Variants in TAFA1 observed in about 807,000 individuals in gnomAD.
TAFA1 encodes chemokine-like protein TAFA-1.
A neutral mutation model predicts 18.5 loss-of-function variants in TAFA1; 4 were observed. That is an observed-to-expected ratio of 0.22 (90% CI 0.11 to 0.49). TAFA1 has a LOEUF of 0.49. Ranked by LOEUF, TAFA1 falls within the 20% of genes least tolerant of loss-of-function variation. The pLI is 0.98. For missense variants in TAFA1, 147 were observed against 169.0 expected (o/e 0.87, Z 0.72); for synonymous variants, 56 against 55.2 (o/e 1.01, Z -0.06).
At chr3:68,489,913 G>A (rs965831844) in intron 3 of TAFA1, among the ~76,000 whole-genome samples, 2 of 152,146 alleles carry the variant, frequency 1.3e-5, no homozygotes, top group Admixed American at 6.6e-5. Flanking sequence ...TGGCCAGCTG[G>A]ATGAGCCATC....
intron 2 of TAFA1, among the ~76,000 whole-genome samples, chr3:68,359,291 T>C (rs1485314356): frequency 1.3e-5 from 2 of 152,024 alleles, no homozygotes; most frequent in African/African-American, 4.8e-5. Context: ...ATAGGCAGAA[T>C]AATGATCCCG....
chr3:68,003,156 A>G (rs549156381), upstream of TAFA1, among the ~76,000 whole-genome samples: 1 of 152,346 alleles, frequency 6.6e-6, no homozygotes, highest in South Asian at 2.1e-4. Context: ...TTATGTTACA[A>G]AGAGCTATTA....
At chr3:68,486,440 G>C (rs903065704) in intron 3 of TAFA1, among the ~76,000 whole-genome samples, 45 of 152,124 alleles carry the variant, frequency 3.0e-4, no homozygotes, top group African/African-American at 1.1e-3. Flanking sequence ...TGCAGCACCT[G>C]ATCTGTACCA....
intron 2 of TAFA1, among the ~76,000 whole-genome samples, chr3:68,380,971 T>A (rs1338813459): frequency 6.7e-6 from 1 of 149,444 alleles, no homozygotes; most frequent in Admixed American, 6.7e-5. Context: ...GGGATCCAGT[T>A]TCAGCTTTCT....
rs77619358 is a variant in TAFA1 at position 68,049,779 on chromosome 3, G to A, written c.118+43035G>A. ...ACAGAAGCTCTGTCCTTTTTAGGTG[G>A]TGAGGGGAAGGAGCAGGGAGAGAAC... On this transcript the variant is annotated intron_variant, in intron 2 of 4. Coordinates refer to ENST00000478136, the MANE Select transcript of TAFA1 (RefSeq NM_213609.4). Among the ~76,000 whole-genome samples, 1,293 of 152,200 alleles carry A rather than the reference G, an allele frequency of 8.5e-3. 21 individuals carry two copies. The highest frequency in any genetic ancestry group is 0.029 in the African/African-American group (1,185 of 41,534).
chr3:68,326,166 T>G (rs2068774237), intron 2 of TAFA1, among the ~76,000 whole-genome samples: 2 of 152,188 alleles, frequency 1.3e-5, no homozygotes, highest in South Asian at 4.1e-4. Context: ...ATTTTCTTAT[T>G]TTTACTTGAC....
chr3:68,474,467 G>C (rs968536443), intron 3 of TAFA1, among the ~76,000 whole-genome samples: 1 of 152,174 alleles, frequency 6.6e-6, no homozygotes, highest in Middle Eastern at 3.2e-3. Flanking sequence ...GAGCTATTCA[G>C]CTGTCAGAAC....
At chr3:68,118,585 C>T (rs770971511) in intron 2 of TAFA1, among the ~76,000 whole-genome samples, 6 of 152,220 alleles carry the variant, frequency 3.9e-5, no homozygotes, top group East Asian at 3.9e-4. Context: ...TCTATACATT[C>T]GACTACTGTA....
At chr3:68,447,607 G>T (rs775561107) in intron 3 of TAFA1, among the ~76,000 whole-genome samples, 3 of 152,192 alleles carry the variant, frequency 2.0e-5, no homozygotes, top group Non-Finnish European at 4.4e-5. Flanking sequence ...AGTTAGATGG[G>T]TGTGGATGGT....
intron 2 of TAFA1, among the ~76,000 whole-genome samples, chr3:68,102,954 A>T (rs1354534981): frequency 6.6e-6 from 1 of 152,184 alleles, no homozygotes; most frequent in Non-Finnish European, 1.5e-5. Flanking sequence ...AGACCCTAGG[A>T]TTCTCAGCAT....
rs1305499544 is a variant in TAFA1 at position 68,127,892 on chromosome 3, T to C, written c.118+121148T>C. ...ATGATTATGGTGGTGGTGATGCTGA[T>C]GGCAGTGGTGGTGGTGGTTGTGGTG... is the stretch of plus-strand genomic sequence containing the variant. On this transcript the variant is annotated intron_variant, in intron 2 of 4. Transcript: ENST00000478136. Among the ~76,000 whole-genome samples, 4 of 150,758 alleles carry C rather than the reference T, an allele frequency of 2.7e-5. No homozygotes were observed. The South Asian group carries it at 8.4e-4, about 32-fold the overall frequency.
intron 2 of TAFA1, among the ~76,000 whole-genome samples, chr3:68,074,749 T>A (rs2064803921): frequency 6.6e-6 from 1 of 152,214 alleles, no homozygotes; most frequent in South Asian, 2.1e-4. Flanking sequence ...CTCTTGAGCT[T>A]GTCTCATAAC....
At chr3:68,018,908 G>A (rs544508370) in intron 2 of TAFA1, among the ~76,000 whole-genome samples, 2 of 152,162 alleles carry the variant, frequency 1.3e-5, no homozygotes, top group South Asian at 2.1e-4. Context: ...AACATGGGAT[G>A]TTTCTTATGA....
intron 2 of TAFA1, among the ~76,000 whole-genome samples, chr3:68,095,991 A>G (rs1310484012): frequency 6.6e-6 from 1 of 152,092 alleles, no homozygotes; most frequent in Non-Finnish European, 1.5e-5. Context: ...CTATTTTGAG[A>G]TATGCAATAC....
chr3:68,214,421 G>A (rs2066630650), intron 2 of TAFA1, among the ~76,000 whole-genome samples: 1 of 151,932 alleles, frequency 6.6e-6, no homozygotes, highest in Admixed American at 6.6e-5. Context: ...AATTTCTTAG[G>A]TACTATAAGG....
chr3:68,282,346 G>A (rs1316733266), intron 2 of TAFA1, among the ~76,000 whole-genome samples: 2 of 152,236 alleles, frequency 1.3e-5, no homozygotes, highest in Admixed American at 6.5e-5. Context: ...ATCAGGCACT[G>A]TTCTGAGTAC....
chr3:68,092,381 A>G (rs979263585), intron 2 of TAFA1, among the ~76,000 whole-genome samples: 6 of 152,222 alleles, frequency 3.9e-5, no homozygotes, highest in Non-Finnish European at 8.8e-5. Flanking sequence ...AGAAAGATCT[A>G]GAAGCCTAAG....
chr3:68,509,098 A>G (rs2072809051), intron 3 of TAFA1, among the ~76,000 whole-genome samples: 1 of 152,066 alleles, frequency 6.6e-6, no homozygotes, highest in Non-Finnish European at 1.5e-5. Context: ...TCTCTATGAT[A>G]AGGAAGGAAA....
chr3:68,526,443 T>C (rs1196067986), intron 3 of TAFA1, among the ~76,000 whole-genome samples: 1 of 152,186 alleles, frequency 6.6e-6, no homozygotes. Context: ...TTGTGAACAC[T>C]AGTTTTGCAA....
Sources: allele counts gnomAD v4.1 joint callset (sites outside exome capture counted in the v4.1 genomes callset), GRCh38; gene constraint gnomAD v4.1.1; transcripts MANE v1.5; gene names NCBI Gene and HGNC (gene_info 2026-07-23, HGNC 2026-07-21).